GRAMD1B: variants seen among roughly 807,000 people sequenced by gnomAD.
GRAMD1B encodes protein Aster-B.
In GRAMD1B, 37 loss-of-function variants were observed where a neutral mutation model predicts 99.7. The ratio of observed to expected loss-of-function variants is 0.37; its 90% CI spans 0.29 to 0.49. The LOEUF (loss-of-function observed/expected upper bound fraction) is 0.49. GRAMD1B is among the 20% of genes least tolerant of loss of function. GRAMD1B has a pLI of 0.98. For missense variants in GRAMD1B, 888 were observed against 1,009.2 expected, an observed-to-expected ratio of 0.88 and a Z score of 1.63; for synonymous variants, 427 against 387.6, an observed-to-expected ratio of 1.10 and a Z score of -1.19.
Position 123,595,953 on chromosome 11 carries a change from T to C in GRAMD1B, c.885T>C (p.Arg295=). 1.2e-6 allele frequency: 2 copies of C among 1,603,550 alleles called. No individual in the cohort carries two copies. The highest frequency in any genetic ancestry group is 1.7e-6 in the Non-Finnish European group (2 of 1,173,846). ...IFRWETLLTV[R]LKDICSMTKE... is the part of the protein sequence containing the mutation. ...CTCTTGGATGCCAGCTGACAGTCCGTTTGAAAGACATCTGTTCCATGACTA... is the reference window on the plus strand; with the variant it reads ...CTCTTGGATGCCAGCTGACAGTCCGCTTGAAAGACATCTGTTCCATGACTA... Residue 295 remains arginine, a synonymous_variant, in exon 7 of 20, where the codon CGT becomes CGC. Coordinates refer to ENST00000635736, the MANE Select transcript of GRAMD1B (RefSeq NM_001387025.1).
chr11:123,407,850 A>C (rs1207139065), intron 1 of GRAMD1B, among the ~76,000 whole-genome samples: 1 of 152,232 alleles, frequency 6.6e-6, no homozygotes, highest in Non-Finnish European at 1.5e-5. Flanking sequence ...AAAAAAGCAA[A>C]GCCTCAGCTC....
chr11:123,622,569 G>T lies in GRAMD1B; in HGVS notation c.2608G>T (p.Glu870Ter). 1 of 1,555,716 alleles carries T rather than the reference G, an allele frequency of 6.4e-7. No individual in the cohort carries two copies. Among genetic ancestry groups the T allele is most frequent in the Non-Finnish European group, 8.7e-7 (1 of 1,149,020 alleles). The change falls in exon 20 of 20, where the codon GAA (glutamate) becomes TAA (stop). Residue 870 changes from glutamate to a stop codon, truncating the protein, a stop_gained. Coordinates refer to ENST00000635736, the MANE Select transcript of GRAMD1B (RefSeq NM_001387025.1). LOFTEE classifies it high-confidence loss of function. ...GTCCCGCGACTACACGTCGGAAAGT[G>T]AAGAAAAGAGGAATCGCTATCATTG... ...IRSRDYTSES[E>*]EKRNRYH
chr11:123,455,885 C>T (rs981203383), intron 1 of GRAMD1B, among the ~76,000 whole-genome samples: 1 of 152,066 alleles, frequency 6.6e-6, no homozygotes, highest in Non-Finnish European at 1.5e-5. Context: ...AAACACTCAA[C>T]CAGGCCGGGT....
At chr11:123,480,313 A>G (rs1247083651) in intron 1 of GRAMD1B, among the ~76,000 whole-genome samples, 1 of 152,032 alleles carries the variant, frequency 6.6e-6, no homozygotes. Context: ...CTTTTGCCTT[A>G]CTGGAGAAGC....
chr11:123,606,347 C>T (rs1952715817), intron 10 of GRAMD1B, among the ~76,000 whole-genome samples: 1 of 152,348 alleles, frequency 6.6e-6, no homozygotes, highest in African/African-American at 2.4e-5. Context: ...GGGCCTGGGC[C>T]TGTGGGGACC....
chr11:123,438,179 A>G (rs1365424351), intron 1 of GRAMD1B, among the ~76,000 whole-genome samples: 1 of 152,166 alleles, frequency 6.6e-6, no homozygotes, highest in African/African-American at 2.4e-5. Flanking sequence ...TATCACATTA[A>G]ATCCTCACAA....
At position 123,559,139 on chromosome 11, in the gene GRAMD1B, T is replaced by G. The variant is rs142983243; in HGVS notation, c.453-18228T>G. Among the ~76,000 whole-genome samples, 258 of 152,314 alleles carry G rather than the reference T, an allele frequency of 1.7e-3. 2 individuals carry two copies. The highest frequency in any genetic ancestry group is 6.0e-3 in the African/African-American group (249 of 41,574). On this transcript the variant is annotated intron_variant, in intron 2 of 19. Coordinates refer to ENST00000635736, the MANE Select transcript of GRAMD1B (RefSeq NM_001387025.1). The stretch of plus-strand genomic sequence containing the variant: ...TAGCAACGTGGGCATCGCCTGGGGT[T>G]TGTTAGAAAGGCTGACTTTTGGGTG...
chr11:123,416,556 T>C (rs1355817223), intron 1 of GRAMD1B, among the ~76,000 whole-genome samples: 1 of 152,214 alleles, frequency 6.6e-6, no homozygotes, highest in Non-Finnish European at 1.5e-5. Flanking sequence ...TTTATTCATG[T>C]TTTTCTGTGT....
At chr11:123,542,792 A>G (rs1237637556) in intron 2 of GRAMD1B, among the ~76,000 whole-genome samples, 1 of 152,132 alleles carries the variant, frequency 6.6e-6, no homozygotes, top group African/African-American at 2.4e-5. Context: ...AGCTGGGATT[A>G]CAGGTGCGTG....
chr11:123,612,871 A>G lies in GRAMD1B; in HGVS notation c.2023+7A>G, dbSNP rs767300261. The stretch of plus-strand genomic sequence containing the variant: ...GACTACTTCCGCCATTTAGGTGAGC[A>G]CTGCAATCCTTGCTGCTAGCTGGGC... On this transcript the variant is annotated splice_region_variant and intron_variant, in intron 15 of 19. Transcript: ENST00000635736. 6.6e-7 allele frequency: 1 copy of G among 1,508,872 alleles called. No homozygotes were observed. The highest frequency in any genetic ancestry group is 1.1e-5 in the South Asian group (1 of 88,018). The allele number at this position is 1,508,872 out of a possible 1,614,324, so 93.5% of individuals were successfully genotyped here. A position where few individuals can be genotyped will look rare whatever the true frequency, so the allele number is the denominator to read the frequency against.
At chr11:123,455,100 T>C (rs1591576380) in intron 1 of GRAMD1B, among the ~76,000 whole-genome samples, 1 of 152,196 alleles carries the variant, frequency 6.6e-6, no homozygotes. Context: ...GTAAGATGTA[T>C]AAGAGCCCTA....
At chr11:123,474,791 A>T (rs947122770) in intron 1 of GRAMD1B, among the ~76,000 whole-genome samples, 1 of 152,222 alleles carries the variant, frequency 6.6e-6, no homozygotes, top group Non-Finnish European at 1.5e-5. Context: ...AATTAGCATG[A>T]GATAATTGAT....
At chr11:123,457,141 T>TAGAAAGAAAGAAAGAAAGAAAGAA (rs1383562713) in intron 1 of GRAMD1B, among the ~76,000 whole-genome samples, 13 of 68,958 alleles carry the variant, frequency 1.9e-4, no homozygotes, top group African/African-American at 3.1e-4. Flanking sequence ...AAGAAAGAAT[T>TAGAAAGAAAGAAAGAAAGAAAGAA]AGAACAGTTT....
At chr11:123,403,452 ATAATAATAATAAT>A (rs889881864) in intron 1 of GRAMD1B, among the ~76,000 whole-genome samples, 4 of 49,490 alleles carry the variant, frequency 8.1e-5, no homozygotes, top group African/African-American at 3.9e-4. Flanking sequence ...GATGATGATA[ATAATAATAATAAT>A]AATAATAATA....
intron 1 of GRAMD1B, among the ~76,000 whole-genome samples, chr11:123,467,052 G>A (rs915575297): frequency 4.6e-5 from 7 of 152,188 alleles, no homozygotes; most frequent in African/African-American, 1.4e-4. Flanking sequence ...TATGTGTGGT[G>A]ATAGGCCTAG....
chr11:123,561,103 G>T (rs1345138515), intron 2 of GRAMD1B, among the ~76,000 whole-genome samples: 1 of 152,184 alleles, frequency 6.6e-6, no homozygotes, highest in African/African-American at 2.4e-5. Flanking sequence ...TGGGTTGAGG[G>T]TGATGATGGT....
intron 1 of GRAMD1B, among the ~76,000 whole-genome samples, chr11:123,362,935 CAT>C (rs1946194221): frequency 6.6e-6 from 1 of 151,064 alleles, no homozygotes; most frequent in Non-Finnish European, 1.5e-5. Flanking sequence ...AGAAATGACA[CAT>C]AGAAATGATG....
intron 1 of GRAMD1B, among the ~76,000 whole-genome samples, chr11:123,368,745 A>C (rs1946418230): frequency 1.3e-5 from 2 of 151,908 alleles, no homozygotes; most frequent in African/African-American, 4.8e-5. Flanking sequence ...ATGAAATCAA[A>C]ATTTGAGCAG....
chr11:123,613,700 G>T (rs773935621), intron 16 of GRAMD1B, 42 bp downstream of exon 16: 32 of 1,491,840 alleles, frequency 2.1e-5, no homozygotes, highest in Middle Eastern at 2.2e-4. Context: ...CTAAGCTTTG[G>T]GCTGGAGCTG....
Sources: allele counts gnomAD v4.1 joint callset (sites outside exome capture counted in the v4.1 genomes callset), GRCh38; gene constraint gnomAD v4.1.1; transcripts MANE v1.5; gene names NCBI Gene and HGNC (gene_info 2026-07-23, HGNC 2026-07-21).